The following CSMD1 variants were observed in gnomAD, a reference collection of about 807,000 sequenced individuals.
CSMD1 encodes the protein CUB and Sushi multiple domains 1.
A neutral mutation model predicts 417.5 loss-of-function variants in CSMD1; 213 were observed. The ratio of observed to expected loss-of-function variants is 0.51; its 90% CI spans 0.46 to 0.57. CSMD1 has a LOEUF of 0.57. CSMD1 is among the 20% of genes least tolerant of loss of function. The pLI is 0.00. For missense variants in CSMD1, 6,923 were observed against 4,529.7 expected, an observed-to-expected ratio of 1.53 and a Z score of -15.17; for synonymous variants, 2,862 against 1,736.8, an observed-to-expected ratio of 1.65 and a Z score of -16.11.
At chr8:3,386,414 G>T (rs182280697) in intron 18 of CSMD1, among the ~76,000 whole-genome samples, 11 of 152,264 alleles carry the variant, frequency 7.2e-5, no homozygotes, top group Admixed American at 5.9e-4. Flanking sequence ...CACACTTCCT[G>T]AGAGGGCTCC....
chr8:4,394,640 G>C (rs772169810), intron 3 of CSMD1, among the ~76,000 whole-genome samples: 1 of 150,836 alleles, frequency 6.6e-6, no homozygotes, highest in Non-Finnish European at 1.5e-5. Flanking sequence ...GAACTCCTGT[G>C]ATAGTAGTAG....
intron 1 of CSMD1, among the ~76,000 whole-genome samples, chr8:4,667,396 C>A (rs996018679): frequency 6.6e-6 from 1 of 151,322 alleles, no homozygotes; most frequent in African/African-American, 2.4e-5. Context: ...AAAATGCCTG[C>A]TGATATTTTG....
At chr8:3,487,288 A>G (rs1186240746) in intron 11 of CSMD1, among the ~76,000 whole-genome samples, 11 of 151,822 alleles carry the variant, frequency 7.2e-5, no homozygotes, top group Admixed American at 2.6e-4. Flanking sequence ...TGCAAGCTCC[A>G]CCTCCTGGGT....
At chr8:4,744,443 C>T (rs907192896) in intron 1 of CSMD1, among the ~76,000 whole-genome samples, 13 of 152,228 alleles carry the variant, frequency 8.5e-5, no homozygotes, top group African/African-American at 2.6e-4. Flanking sequence ...CCTGGGTCTG[C>T]GGCACTGTCC....
chr8:2,959,575 A>G (rs1222560604), intron 62 of CSMD1, among the ~76,000 whole-genome samples: 2 of 152,152 alleles, frequency 1.3e-5, no homozygotes, highest in Non-Finnish European at 2.9e-5. Flanking sequence ...TTTTAGCAGA[A>G]TATACCGAGC....
intron 5 of CSMD1, among the ~76,000 whole-genome samples, chr8:3,782,076 G>A (rs1443028327): frequency 2.0e-5 from 3 of 152,076 alleles, no homozygotes; most frequent in African/African-American, 4.8e-5. Flanking sequence ...AGGAGAGTTT[G>A]ATAAAATAAA....
chr8:4,116,503 T>G (rs1458749113), intron 3 of CSMD1, among the ~76,000 whole-genome samples: 3 of 127,322 alleles, frequency 2.4e-5, no homozygotes, highest in Admixed American at 1.6e-4. Context: ...GCTGTACACA[T>G]CCGACGGCGA....
chr8:3,872,972 T>C (rs528165571), intron 5 of CSMD1, among the ~76,000 whole-genome samples: 9 of 152,014 alleles, frequency 5.9e-5, no homozygotes, highest in Admixed American at 2.0e-4. Flanking sequence ...TCACTGATCA[T>C]TAGAGAAACG....
intron 5 of CSMD1, among the ~76,000 whole-genome samples, chr8:3,960,423 C>G (rs1186333642): frequency 6.6e-6 from 1 of 152,042 alleles, no homozygotes; most frequent in East Asian, 1.9e-4. Flanking sequence ...CTAGATAGTC[C>G]CTCAATGCTA....
intron 10 of CSMD1, among the ~76,000 whole-genome samples, chr8:3,508,112 G>A (rs188315830): frequency 1.5e-3 from 232 of 152,194 alleles, no homozygotes; most frequent in Non-Finnish European, 1.6e-3. Flanking sequence ...TATTGCCTAG[G>A]TTTCCTTCTA....
chr8:4,598,509 C>T (rs1028281293), intron 2 of CSMD1, among the ~76,000 whole-genome samples: 5 of 152,250 alleles, frequency 3.3e-5, no homozygotes, highest in South Asian at 2.1e-4. Context: ...ACTCCAGCTA[C>T]AGGTGTGGCT....
intron 1 of CSMD1, among the ~76,000 whole-genome samples, chr8:4,712,446 C>T (rs918827602): frequency 6.6e-6 from 1 of 152,180 alleles, no homozygotes; most frequent in Non-Finnish European, 1.5e-5. Flanking sequence ...TTACTCTGAA[C>T]CCTTCTCACA....
rs370809689 is a variant in CSMD1 at position 4,044,002 on chromosome 8, G to C, written c.416-11903C>G. ...TTAAATGCAACTGTAATGTCAGAAA[G>C]AAATAATTTTGGCAAAGCTTAATTA... is the stretch of plus-strand genomic sequence containing the variant. On this transcript the variant is annotated intron_variant, in intron 3 of 69. Transcript: ENST00000635120. Among the ~76,000 whole-genome samples the C allele has an allele frequency of 1.3e-4, 20 of 150,178 alleles. No individual in the cohort carries two copies. In the East Asian group the frequency reaches 2.9e-3, roughly 22 times the overall value.
At chr8:3,436,464 C>T (rs374690667) in intron 12 of CSMD1, among the ~76,000 whole-genome samples, 37 of 152,218 alleles carry the variant, frequency 2.4e-4, no homozygotes, top group African/African-American at 7.5e-4. Context: ...CAAAATAGTG[C>T]CTGGCACACA....
intron 23 of CSMD1, among the ~76,000 whole-genome samples, chr8:3,335,440 G>A (rs1807192905): frequency 6.6e-6 from 1 of 152,186 alleles, no homozygotes; most frequent in Non-Finnish European, 1.5e-5. Flanking sequence ...CACTTTGGGA[G>A]GCCAAGGCGG....
intron 3 of CSMD1, among the ~76,000 whole-genome samples, chr8:4,141,022 C>T (rs1455694850): frequency 6.6e-6 from 1 of 151,208 alleles, no homozygotes; most frequent in East Asian, 1.9e-4. Flanking sequence ...ATATTCCTTA[C>T]AAACATTGCC....
intron 26 of CSMD1, among the ~76,000 whole-genome samples, chr8:3,276,282 C>G (rs1802283788): frequency 6.6e-6 from 1 of 152,176 alleles, no homozygotes; most frequent in South Asian, 2.1e-4. Flanking sequence ...TTCCTGTTGT[C>G]AGATCTCCAG....
At chr8:3,161,900 A>C (rs966732322) in intron 38 of CSMD1, among the ~76,000 whole-genome samples, 1 of 152,210 alleles carries the variant, frequency 6.6e-6, no homozygotes, top group South Asian at 2.1e-4. Flanking sequence ...TGCTCTGTGC[A>C]TAGTTATTGG....
chr8:4,058,833 A>T (rs566841777), intron 3 of CSMD1, among the ~76,000 whole-genome samples: 1 of 151,684 alleles, frequency 6.6e-6, no homozygotes, highest in African/African-American at 2.4e-5. Flanking sequence ...ACTCCCACAC[A>T]ATAATAATGG....
Sources: allele counts gnomAD v4.1 joint callset (sites outside exome capture counted in the v4.1 genomes callset), GRCh38; gene constraint gnomAD v4.1.1; transcripts MANE v1.5; gene names NCBI Gene and HGNC (gene_info 2026-07-23, HGNC 2026-07-21).